Variants in ACACA observed in about 807,000 individuals in gnomAD.
ACACA encodes acetyl-CoA carboxylase alpha, also known as acetyl-CoA carboxylase 1.
In ACACA, 103 loss-of-function variants were observed where a neutral mutation model predicts 296.1. That is an observed-to-expected ratio of 0.35 (90% CI 0.30 to 0.41). The LOEUF is 0.41. Ranked by LOEUF, ACACA falls within the 10% of genes least tolerant of loss-of-function variation. ACACA has a pLI of 1.00. For missense variants in ACACA, 1,554 were observed against 2,989.7 expected, an observed-to-expected ratio of 0.52 and a Z score of 11.20; for synonymous variants, 953 against 1,038.6, an observed-to-expected ratio of 0.92 and a Z score of 1.58.
At position 37,113,391 on chromosome 17, in the gene ACACA, T is replaced by C; in HGVS notation, c.6275-126A>G. 1.1e-6 allele frequency: 1 copy of C among 933,586 alleles called. No homozygotes were observed. Among genetic ancestry groups the C allele is most frequent in the East Asian group, 2.6e-5 (1 of 38,236 alleles). 57.8% of individuals were successfully genotyped at this position (933,586 alleles called of 1,614,324 possible). A position where few individuals can be genotyped will look rare whatever the true frequency, so the allele number is the denominator to read the frequency against. On this transcript the variant is annotated intron_variant, in intron 50 of 55. Coordinates refer to ENST00000616317, the MANE Select transcript of ACACA (RefSeq NM_198834.3). This position sits in a 1 kb window ranked among gnomAD's most constrained non-coding sequence, Gnocchi z 4.0. ...TACTATGCCTCCTGTTTGGCCACCC[T>C]ATAGACTAAAGGGAGTATCGACCTG...
intron 45 of ACACA, among the ~76,000 whole-genome samples, chr17:37,135,772 G>A (rs1280991019): frequency 6.6e-6 from 1 of 152,124 alleles, no homozygotes; most frequent in African/African-American, 2.4e-5. Flanking sequence ...CCACACAATA[G>A]TTTGCTAAAT....
At chr17:37,140,141 G>C (rs1284851924) in intron 45 of ACACA, among the ~76,000 whole-genome samples, 1 of 152,156 alleles carries the variant, frequency 6.6e-6, no homozygotes, top group African/African-American at 2.4e-5. Context: ...TTTAGCAATG[G>C]TGTCACAGAG....
chr17:37,167,270 CTTTT>C (rs11387933), intron 41 of ACACA, among the ~76,000 whole-genome samples: 3 of 105,552 alleles, frequency 2.8e-5, no homozygotes, highest in Admixed American at 1.1e-4. Flanking sequence ...ATGGTATTTT[CTTTT>C]TTTTTTTTTT....
intron 1 of ACACA, among the ~76,000 whole-genome samples, chr17:37,356,114 G>A (rs972269005): frequency 6.7e-5 from 10 of 149,466 alleles, no homozygotes; most frequent in African/African-American, 2.5e-4. Flanking sequence ...GTTGCAGTGA[G>A]CCGAGATCGT....
Position 37,151,942 on chromosome 17 carries a change from G to C in ACACA, c.5448-521C>G, listed in dbSNP as rs907959824. ...CCCAAAGTGCTGGGATTACAGGCGT[G>C]AGCCACCGCGCCCGGCCTAATTTTT... On this transcript the variant is annotated intron_variant, in intron 43 of 55. Transcript: ENST00000616317. Among the ~76,000 whole-genome samples the C allele has an allele frequency of 2.6e-5, 4 of 152,028 alleles. No homozygotes were observed. The South Asian group carries it at 6.2e-4, about 24-fold the overall frequency.
intron 5 of ACACA, among the ~76,000 whole-genome samples, chr17:37,281,011 C>T (rs2082498480): frequency 6.6e-6 from 1 of 151,718 alleles, no homozygotes; most frequent in African/African-American, 2.4e-5. Context: ...CTAACTCTTA[C>T]TCATTCTTGG....
chr17:37,147,590 C>T (rs895172013), intron 45 of ACACA, among the ~76,000 whole-genome samples: 8 of 152,128 alleles, frequency 5.3e-5, no homozygotes, highest in Middle Eastern at 3.2e-3. Context: ...ATATTCTGAA[C>T]GAATTTGCAT....
intron 39 of ACACA, among the ~76,000 whole-genome samples, chr17:37,186,417 T>C (rs1057318883): frequency 6.6e-6 from 1 of 152,214 alleles, no homozygotes; most frequent in Non-Finnish European, 1.5e-5. Context: ...GTGCCTGACA[T>C]ACTATAAGTA....
intron 4 of ACACA, among the ~76,000 whole-genome samples, chr17:37,284,486 C>A (rs765512361): frequency 6.6e-6 from 1 of 152,148 alleles, no homozygotes; most frequent in Non-Finnish European, 1.5e-5. Context: ...CTGTCGCCCA[C>A]GTTGGAGTGC....
At chr17:37,349,762 T>C (rs539072336) in intron 1 of ACACA, among the ~76,000 whole-genome samples, 95 of 151,894 alleles carry the variant, frequency 6.3e-4, no homozygotes, top group Middle Eastern at 3.4e-3. Flanking sequence ...TTGCACCACG[T>C]TGGCCAGGCT....
At chr17:37,143,098 T>C (rs2075663036) in intron 45 of ACACA, among the ~76,000 whole-genome samples, 1 of 152,106 alleles carries the variant, frequency 6.6e-6, no homozygotes, top group South Asian at 2.1e-4. Flanking sequence ...AATAAAACTG[T>C]AGCCCAGAGA....
At chr17:37,355,338 A>ATC in intron 1 of ACACA, among the ~76,000 whole-genome samples, 1 of 152,112 alleles carries the variant, frequency 6.6e-6, no homozygotes, top group Non-Finnish European at 1.5e-5. Context: ...TGGGTGGATC[A>ATC]CAAGGTCAGG....
At chr17:37,127,074 A>T (rs1597898210) in intron 47 of ACACA, among the ~76,000 whole-genome samples, 1 of 152,218 alleles carries the variant, frequency 6.6e-6, no homozygotes, top group East Asian at 1.9e-4. Flanking sequence ...TCAATGAAAA[A>T]ATATTATCCA....
chr17:37,241,934 T>C lies in ACACA; in HGVS notation c.3032+19A>G. The stretch of plus-strand genomic sequence containing the variant: ...ATGAGTATGGACAGGTCTGGGAATC[T>C]GGAGTTACAAGTTACTACCTCTGTA... On this transcript the variant is annotated intron_variant, in intron 23 of 55. Coordinates refer to ENST00000616317, the MANE Select transcript of ACACA (RefSeq NM_198834.3). 1.3e-6 allele frequency: 2 copies of C among 1,595,810 alleles called. No individual in the cohort carries two copies. Among genetic ancestry groups the C allele is most frequent in the South Asian group, 2.2e-5 (2 of 90,676 alleles).
At chr17:37,206,966 A>G in intron 31 of ACACA, 87 bp from the exon 32 acceptor site, 1 of 1,187,314 alleles carries the variant, frequency 8.4e-7, no homozygotes, top group Non-Finnish European at 1.2e-6. Context: ...TAAAAGAATA[A>G]TCTATCTTAG....
chr17:37,114,090 G>A (rs1225625259), intron 50 of ACACA, among the ~76,000 whole-genome samples: 1 of 152,132 alleles, frequency 6.6e-6, no homozygotes, highest in Non-Finnish European at 1.5e-5. Context: ...GGCTGAGGTG[G>A]GAGGATCACT....
intron 29 of ACACA, among the ~76,000 whole-genome samples, chr17:37,215,802 G>C (rs1772763722): frequency 1.3e-5 from 2 of 151,754 alleles, no homozygotes; most frequent in Admixed American, 1.3e-4. Context: ...TAAACCCTAA[G>C]ACTCACTAGG....
intron 1 of ACACA, chr17:37,386,009 C>CT (rs1024564984): frequency 3.2e-6 from 5 of 1,572,554 alleles, no homozygotes; most frequent in Admixed American, 3.5e-5. Flanking sequence ...TGTTTTATAG[C>CT]TTTTTTACCA....
At chr17:37,383,233 G>A (rs1207748681) in intron 1 of ACACA, among the ~76,000 whole-genome samples, 1 of 152,188 alleles carries the variant, frequency 6.6e-6, no homozygotes, top group African/African-American at 2.4e-5. Flanking sequence ...TAGGCATTGT[G>A]AGACTTGGGG....
Sources: allele counts gnomAD v4.1 joint callset (sites outside exome capture counted in the v4.1 genomes callset), GRCh38; gene constraint gnomAD v4.1.1; non-coding constraint Gnocchi (gnomAD v3.1); transcripts MANE v1.5; gene names NCBI Gene and HGNC (gene_info 2026-07-23, HGNC 2026-07-21).